Variants in AMPH observed in about 807,000 individuals in gnomAD.
AMPH encodes amphiphysin (Stiff-Mann syndrome with breast cancer 128kD autoantigen).
AMPH carries 49 observed loss-of-function variants against 99.1 expected under a neutral mutation model. The observed-to-expected ratio is 0.49, with a 90% CI of 0.39 to 0.63. The LOEUF is 0.63. Among genes scored for constraint, AMPH ranks in the 20% least tolerant of loss-of-function variants. AMPH has a pLI of 0.00. For synonymous variants in AMPH, 314 were observed against 317.3 expected, an observed-to-expected ratio of 0.99 and a Z score of 0.11; for missense variants, 759 against 863.4, an observed-to-expected ratio of 0.88 and a Z score of 1.52.
chr7:38,596,679 T>G (rs1793071067), intron 1 of AMPH, among the ~76,000 whole-genome samples: 1 of 152,080 alleles, frequency 6.6e-6, no homozygotes, highest in Non-Finnish European at 1.5e-5. Context: ...TCTGAGCCTC[T>G]TCCTCTTTAT....
intron 2 of AMPH, among the ~76,000 whole-genome samples, chr7:38,512,606 G>A (rs1440749140): frequency 6.6e-6 from 1 of 152,148 alleles, no homozygotes; most frequent in African/African-American, 2.4e-5. Context: ...TAACAGAATA[G>A]GACAGATAAA....
chr7:38,594,190 A>T (rs1792966113), intron 1 of AMPH, among the ~76,000 whole-genome samples: 1 of 152,166 alleles, frequency 6.6e-6, no homozygotes, highest in Non-Finnish European at 1.5e-5. Flanking sequence ...GTATGTCCTG[A>T]AAGTAGAGCT....
rs73352668 is a variant in AMPH, at chr7:38,463,958, T to A, written c.750-845A>T. 5.7e-3 allele frequency: 4,611 copies of A among 813,226 alleles called. 165 individuals are homozygous for A. In the African/African-American group the frequency reaches 0.071, roughly 13 times the overall value. 50.4% of individuals were successfully genotyped at this position (813,226 alleles called of 1,614,324 possible). ...AGCATGGTCTACATATTCAAAGGGC[T>A]GAGGAAACTGGGTCCTTTAGCGAGA... On this transcript the variant is annotated intron_variant, in intron 9 of 20. Transcript: ENST00000356264.
At chr7:38,401,142 G>A (rs1784829850) in intron 17 of AMPH, among the ~76,000 whole-genome samples, 1 of 151,980 alleles carries the variant, frequency 6.6e-6, no homozygotes, top group South Asian at 2.1e-4. Flanking sequence ...ACACTAGTTG[G>A]TTTCATTTTT....
intron 2 of AMPH, among the ~76,000 whole-genome samples, chr7:38,526,466 G>C (rs1485489389): frequency 7.9e-6 from 1 of 126,324 alleles, no homozygotes; most frequent in Non-Finnish European, 1.6e-5. Flanking sequence ...AGTAGAGACG[G>C]AGTTTTGCCA....
chr7:38,571,493 AT>A (rs984956127), intron 1 of AMPH, among the ~76,000 whole-genome samples: 17 of 135,302 alleles, frequency 1.3e-4, no homozygotes, highest in Non-Finnish European at 2.5e-4. Context: ...TATATTCTAT[AT>A]AAATATATTC....
intron 7 of AMPH, among the ~76,000 whole-genome samples, chr7:38,474,754 G>A (rs56283302): frequency 6.6e-6 from 1 of 152,270 alleles, no homozygotes; most frequent in South Asian, 2.1e-4. Context: ...AGGAAAAACA[G>A]AACAACTATT....
At chr7:38,490,003 T>C (rs2043785) in intron 5 of AMPH, among the ~76,000 whole-genome samples, 1 of 151,824 alleles carries the variant, frequency 6.6e-6, no homozygotes, top group Non-Finnish European at 1.5e-5. Context: ...TTGAAAATAA[T>C]TTGCCATGCA....
At chr7:38,562,880 C>T (rs1047986408) in intron 1 of AMPH, among the ~76,000 whole-genome samples, 4 of 152,136 alleles carry the variant, frequency 2.6e-5, no homozygotes, top group Non-Finnish European at 4.4e-5. Context: ...AAACAGAATT[C>T]CAAGCCATCA....
At chr7:38,423,394 T>C (rs1425967098) in intron 15 of AMPH, among the ~76,000 whole-genome samples, 1 of 152,066 alleles carries the variant, frequency 6.6e-6, no homozygotes, top group Non-Finnish European at 1.5e-5. Flanking sequence ...ATCTGCCAGC[T>C]CAAGGAAAAA....
chr7:38,462,997 G>T lies in AMPH; in HGVS notation c.866C>A (p.Ala289Glu). The T allele has an allele frequency of 6.3e-7, 1 of 1,591,800 alleles. No individual in the cohort carries two copies. Among genetic ancestry groups the T allele is most frequent in the Non-Finnish European group, 8.6e-7 (1 of 1,169,386 alleles). The change falls in exon 10 of 21, where the codon GCA becomes GAA. Residue 289 changes from alanine to glutamate, a missense_variant. Physicochemically the swap from Ala to Glu is moderately radical, Grantham distance 107 (BLOSUM62 -1). Coordinates refer to ENST00000356264, the MANE Select transcript of AMPH (RefSeq NM_001635.4). ...TACCTGTGAAGGTGACCGAGGCCGT[G>T]CTGGTGCGGGAGACGCAGGTGCTAA... ...HTLAPASPAP[A>E]RPRSPSQTRK...
At chr7:38,453,450 C>T (rs183354694) in intron 11 of AMPH, among the ~76,000 whole-genome samples, 10 of 152,324 alleles carry the variant, frequency 6.6e-5, no homozygotes, top group African/African-American at 2.4e-4. Flanking sequence ...GGCACTTCCT[C>T]TGCCCCAGTT....
chr7:38,429,282 C>A, intron 14 of AMPH: 1 of 1,286,358 alleles, frequency 7.8e-7, no homozygotes, highest in Non-Finnish European at 1.0e-6. Flanking sequence ...TTCATTTCCA[C>A]CTGGAAAGGC....
rs906598129 is a variant in AMPH, at chr7:38,590,314, G to A, written c.69+40969C>T. Among the ~76,000 whole-genome samples, 19 of 152,254 alleles carry A rather than the reference G, an allele frequency of 1.2e-4. 1 individual carries two copies. The highest frequency in any genetic ancestry group is 3.4e-4 in the African/African-American group (14 of 41,554). On this transcript the variant is annotated intron_variant, in intron 1 of 20. Coordinates refer to ENST00000356264, the MANE Select transcript of AMPH (RefSeq NM_001635.4). Reference sequence around the variant, plus strand: ...AATCAGGAGCAGCAACGGATGCCTCGCTGGATCAGGAGCACAGCCCACACC... The same window carrying A: ...AATCAGGAGCAGCAACGGATGCCTCACTGGATCAGGAGCACAGCCCACACC...
intron 1 of AMPH, among the ~76,000 whole-genome samples, chr7:38,557,929 G>A (rs751243645): frequency 5.3e-5 from 8 of 151,590 alleles, no homozygotes; most frequent in Non-Finnish European, 8.8e-5. Context: ...GGTGGCACAC[G>A]CTGTGACCCC....
chr7:38,445,134 T>C (rs1459631287), intron 11 of AMPH, among the ~76,000 whole-genome samples: 5 of 151,112 alleles, frequency 3.3e-5, no homozygotes, highest in African/African-American at 1.2e-4. Flanking sequence ...TGTCTGATTT[T>C]CCACAAAGGT....
intron 1 of AMPH, among the ~76,000 whole-genome samples, chr7:38,547,870 A>G (rs908760719): frequency 6.6e-6 from 1 of 152,172 alleles, no homozygotes; most frequent in Non-Finnish European, 1.5e-5. Context: ...CACTGAATAT[A>G]CAACTTACAG....
chr7:38,484,416 T>C (rs1399382619), intron 5 of AMPH, among the ~76,000 whole-genome samples: 2 of 152,152 alleles, frequency 1.3e-5, no homozygotes, highest in Non-Finnish European at 2.9e-5. Flanking sequence ...AGTGGATTTT[T>C]AGCAGAAGCA....
At chr7:38,445,181 G>A (rs973284011) in intron 11 of AMPH, among the ~76,000 whole-genome samples, 5 of 151,164 alleles carry the variant, frequency 3.3e-5, no homozygotes, top group Non-Finnish European at 7.4e-5. Flanking sequence ...AGGCAATTTA[G>A]TAGAGTAAGA....
Sources: gnomAD v4.1 joint callset for allele counts (sites outside exome capture counted in the v4.1 genomes callset) on GRCh38, gnomAD v4.1.1 for gene constraint, MANE v1.5 for transcripts, NCBI Gene and HGNC (gene_info 2026-07-23, HGNC 2026-07-21) for gene names.